CLASP1: variants seen among roughly 807,000 people sequenced by gnomAD.
The protein encoded by CLASP1 is cytoplasmic linker associated protein 1.
In CLASP1, 38 loss-of-function variants were observed where a neutral mutation model predicts 192.3. The observed-to-expected ratio is 0.20, with a 90% confidence interval of 0.15 to 0.26. CLASP1 has a LOEUF of 0.26. Among genes scored for constraint, CLASP1 ranks in the 10% least tolerant of loss-of-function variants. The pLI, the probability that CLASP1 is intolerant of heterozygous loss-of-function variation, is 1.00. For synonymous variants in CLASP1, 691 were observed against 712.8 expected (o/e 0.97, Z 0.49); for missense variants, 1,433 against 1,932.5 (o/e 0.74, Z 4.85).
intron 9 of CLASP1, among the ~76,000 whole-genome samples, chr2:121,463,627 A>G (rs2088637980): frequency 6.6e-6 from 1 of 152,152 alleles, no homozygotes; most frequent in Admixed American, 6.5e-5. Context: ...GAGGACTCAA[A>G]GGCCAACAAC....
At chr2:121,473,516 C>T (rs1381626579) in intron 8 of CLASP1, among the ~76,000 whole-genome samples, 1 of 152,114 alleles carries the variant, frequency 6.6e-6, no homozygotes, top group Non-Finnish European at 1.5e-5. Context: ...ACACACAACA[C>T]TGCAGGCCTG....
chr2:121,499,232 T>C (rs1483076828), intron 8 of CLASP1, among the ~76,000 whole-genome samples: 1 of 152,200 alleles, frequency 6.6e-6, no homozygotes, highest in Non-Finnish European at 1.5e-5. Flanking sequence ...GGAATCTTGT[T>C]CAGCCATAAA....
intron 19 of CLASP1, among the ~76,000 whole-genome samples, chr2:121,444,698 G>A (rs568770489): frequency 3.9e-5 from 6 of 152,266 alleles, no homozygotes; most frequent in East Asian, 1.9e-4. Flanking sequence ...AAAACCACAC[G>A]CAGCATACTT....
intron 2 of CLASP1, among the ~76,000 whole-genome samples, chr2:121,552,333 T>C (rs1180607612): frequency 6.6e-6 from 1 of 151,968 alleles, no homozygotes; most frequent in African/African-American, 2.4e-5. Context: ...AAGCAAAAAT[T>C]TACAAATGGG....
intron 8 of CLASP1, among the ~76,000 whole-genome samples, chr2:121,474,431 G>A (rs1559349591): frequency 6.6e-6 from 1 of 152,094 alleles, no homozygotes; most frequent in African/African-American, 2.4e-5. Flanking sequence ...TGTATGTAAT[G>A]CTGCCCAAAG....
At chr2:121,524,764 C>G (rs1245367514) in intron 6 of CLASP1, among the ~76,000 whole-genome samples, 1 of 152,034 alleles carries the variant, frequency 6.6e-6, no homozygotes, top group Non-Finnish European at 1.5e-5. Flanking sequence ...CGGCCTAATG[C>G]TATATATTTT....
chr2:121,390,862 C>T (rs2149400775), intron 30 of CLASP1, among the ~76,000 whole-genome samples: 1 of 152,198 alleles, frequency 6.6e-6, no homozygotes, highest in Middle Eastern at 3.4e-3. Flanking sequence ...GTTGCCCAGG[C>T]TGGAGTACAG....
intron 30 of CLASP1, among the ~76,000 whole-genome samples, chr2:121,394,083 T>A (rs1269286707): frequency 6.6e-6 from 1 of 152,090 alleles, no homozygotes; most frequent in Non-Finnish European, 1.5e-5. Context: ...GCCCCTAAGA[T>A]TCCCCATAAC....
intron 14 of CLASP1, among the ~76,000 whole-genome samples, chr2:121,456,908 T>C (rs760089275): frequency 6.6e-6 from 1 of 152,222 alleles, no homozygotes; most frequent in Non-Finnish European, 1.5e-5. Flanking sequence ...TACAGTCTAC[T>C]GGAACAGCTT....
intron 2 of CLASP1, among the ~76,000 whole-genome samples, chr2:121,592,894 C>T (rs766740416): frequency 6.6e-6 from 1 of 152,196 alleles, no homozygotes; most frequent in Non-Finnish European, 1.5e-5. Flanking sequence ...GATCCGCCCA[C>T]CTCGGCCTCC....
chr2:121,578,854 C>CA (rs890871435), intron 2 of CLASP1, among the ~76,000 whole-genome samples: 1 of 150,780 alleles, frequency 6.6e-6, no homozygotes, highest in Non-Finnish European at 1.5e-5. Context: ...CACACACACA[C>CA]AAAAAAAAAC....
At chr2:121,630,585 C>T (rs779927316) in intron 1 of CLASP1, among the ~76,000 whole-genome samples, 3 of 152,058 alleles carry the variant, frequency 2.0e-5, no homozygotes, top group African/African-American at 4.8e-5. Flanking sequence ...GAGAAGAGGC[C>T]GGGCATGGTG....
intron 26 of CLASP1, chr2:121,403,344 TA>T: frequency 2.2e-6 from 1 of 453,990 alleles, no homozygotes; most frequent in Non-Finnish European, 4.4e-6. Flanking sequence ...AGGTACTCAG[TA>T]AATGTTAAAT....
intron 37 of CLASP1, among the ~76,000 whole-genome samples, chr2:121,361,785 A>G (rs777725406): frequency 3.3e-5 from 5 of 152,340 alleles, no homozygotes; most frequent in South Asian, 2.1e-4. Context: ...TAAATGAGTT[A>G]TTATAAATGA....
At chr2:121,438,295 T>C (rs2082654913) in intron 19 of CLASP1, among the ~76,000 whole-genome samples, 1 of 152,234 alleles carries the variant, frequency 6.6e-6, no homozygotes, top group Non-Finnish European at 1.5e-5. Context: ...CCACAACTTG[T>C]GTGAGTAGAC....
At position 121,573,839 on chromosome 2, in the gene CLASP1, A is replaced by AAAAAC. The variant is rs1297148469; in HGVS notation, c.195+31857_195+31861dup. On this transcript the variant is annotated intron_variant, in intron 2 of 39. Coordinates refer to ENST00000263710, the Ensembl canonical transcript of CLASP1. ...CTTTAAAAGGGAGAAGGTAGCCTAA[A>AAAAAC]AAAACAAAACAAAACAAAAGCTAAT... Among the ~76,000 whole-genome samples the AAAAAC allele has an allele frequency of 3.3e-5, 5 of 152,192 alleles. No individual in the cohort carries two copies. In the East Asian group the frequency reaches 9.6e-4, roughly 29 times the overall value.
intron 32 of CLASP1, among the ~76,000 whole-genome samples, chr2:121,384,029 CACATATATATGTATATAT>C (rs1558972078): frequency 1.5e-5 from 2 of 137,852 alleles, no homozygotes; most frequent in Admixed American, 7.2e-5. Context: ...CACACACACA[CACATATATATGTATATAT>C]ACACACATAT....
intron 2 of CLASP1, chr2:121,530,752 C>A: frequency 1.9e-6 from 1 of 523,306 alleles, no homozygotes. Flanking sequence ...ATTGGGGTGT[C>A]GTCGAAAGCT....
chr2:121,505,358 A>C (rs2093911196), intron 7 of CLASP1: 1 of 152,204 alleles, frequency 6.6e-6, no homozygotes, highest in Non-Finnish European at 1.5e-5. Flanking sequence ...AGGTATGAGA[A>C]CACTATAAAC....
Sources: allele counts gnomAD v4.1 joint callset (sites outside exome capture counted in the v4.1 genomes callset), GRCh38; gene constraint gnomAD v4.1.1; transcripts MANE v1.5; gene names NCBI Gene and HGNC (gene_info 2026-07-23, HGNC 2026-07-21).